Variants in OR51B5 observed in about 807,000 individuals in gnomAD.
OR51B5 encodes olfactory receptor family 51 subfamily B member 5, also known as olfactory receptor 51B5.
For synonymous variants in OR51B5, 186 were observed against 144.8 expected, an observed-to-expected ratio of 1.28 and a Z score of -2.04; for missense variants, 456 against 374.6, an observed-to-expected ratio of 1.22 and a Z score of -1.79.
intron 1 of OR51B5, among the ~76,000 whole-genome samples, chr11:5,497,459 A>G (rs1851666537): frequency 6.6e-6 from 1 of 152,182 alleles, no homozygotes; most frequent in East Asian, 1.9e-4. Flanking sequence ...GACAAAATTG[A>G]GTCCACTATT....
chr11:5,403,174 A>G (rs1319926358), intron 1 of OR51B5: 1 of 470,504 alleles, frequency 2.1e-6, no homozygotes, highest in South Asian at 1.6e-5. Flanking sequence ...TCTTGTGGGA[A>G]CATTTCTGTT....
intron 1 of OR51B5, among the ~76,000 whole-genome samples, chr11:5,429,915 AT>A (rs1251389427): frequency 9.9e-5 from 15 of 152,126 alleles, no homozygotes; most frequent in Non-Finnish European, 2.1e-4. Context: ...TTCATATTTT[AT>A]TTCATGCTTC....
rs1033722688 is a variant in OR51B5 at position 5,476,523 on chromosome 11, G to C, written n.84+29046C>G. Among the ~76,000 whole-genome samples the C allele has an allele frequency of 1.3e-5, 2 of 152,154 alleles. 1 individual carries two copies. Among genetic ancestry groups the C allele is most frequent in the African/African-American group, 4.8e-5 (2 of 41,428 alleles). On this transcript the variant is annotated intron_variant and non_coding_transcript_variant, in intron 1 of 4. Coordinates refer to the OR51B5 transcript ENST00000415970. ...AAAAATAGTCACTGGATGAAAGAAT[G>C]AGCCTCCTTTGTGACTTGGTATCTC...
rs772051071 is a variant in OR51B5, at chr11:5,489,161, T to C, written n.84+16408A>G. ...ATAGGCAGAATTGGCTTTGTTGGGCTATTCCGTAGTGTGGCTATTGTCTCC... is the reference window on the plus strand; with the variant it reads ...ATAGGCAGAATTGGCTTTGTTGGGCCATTCCGTAGTGTGGCTATTGTCTCC... On this transcript the variant is annotated intron_variant and non_coding_transcript_variant, in intron 1 of 4. Transcript: ENST00000415970. 3.1e-6 allele frequency: 5 copies of C among 1,613,772 alleles called. No individual in the cohort carries two copies. The African/African-American group carries it at 4.0e-5, about 13-fold the overall frequency.
intron 1 of OR51B5, among the ~76,000 whole-genome samples, chr11:5,490,026 T>A (rs533463706): frequency 6.6e-6 from 1 of 152,286 alleles, no homozygotes; most frequent in South Asian, 2.1e-4. Flanking sequence ...TTGGAATGAA[T>A]TTGAGTCTGA....
chr11:5,505,519 T>C lies in OR51B5; in HGVS notation n.84+50A>G, dbSNP rs367913880. ...TCCGTTTTCACGCTGCTAATGAAGA[T>C]ATACCCGAGACTGGGCAATTTATAA... On this transcript the variant is annotated intron_variant and non_coding_transcript_variant, in intron 1 of 4. Transcript: ENST00000415970. 2.2e-3 allele frequency: 2,731 copies of C among 1,243,328 alleles called. 65 individuals are homozygous for C. In the South Asian group the frequency reaches 0.035, roughly 16 times the overall value. 77.0% of individuals were successfully genotyped at this position (1,243,328 alleles called of 1,614,324 possible). A position where few individuals can be genotyped will look rare whatever the true frequency, so the allele number is the denominator to read the frequency against.
chr11:5,358,581 C>T (rs1308318128), intron 1 of OR51B5, among the ~76,000 whole-genome samples: 1 of 152,184 alleles, frequency 6.6e-6, no homozygotes, highest in Non-Finnish European at 1.5e-5. Context: ...GGAGCTGGTA[C>T]CATTCCCTCT....
At chr11:5,468,852 G>A in intron 1 of OR51B5, 3 of 428,604 alleles carry the variant, frequency 7.0e-6, no homozygotes, top group South Asian at 1.7e-5. Context: ...TCTCCACAGG[G>A]CAGCCGAATC....
At chr11:5,434,843 C>T (rs778857193) in intron 1 of OR51B5, among the ~76,000 whole-genome samples, 2 of 152,146 alleles carry the variant, frequency 1.3e-5, no homozygotes, top group Admixed American at 6.5e-5. Context: ...GAATCTAGTT[C>T]TTCCAATTAT....
chr11:5,407,378 T>C (rs902032453), intron 1 of OR51B5, among the ~76,000 whole-genome samples: 13 of 152,224 alleles, frequency 8.5e-5, no homozygotes, highest in African/African-American at 3.1e-4. Flanking sequence ...GAGTTTCAGC[T>C]GCCTTAAATA....
chr11:5,469,005 C>G (rs1851182479), intron 1 of OR51B5: 1 of 333,628 alleles, frequency 3.0e-6, no homozygotes, highest in Non-Finnish European at 6.0e-6. Flanking sequence ...ACACGGACAT[C>G]AGTGAGCACT....
At chr11:5,354,208 T>C (rs1323765866) in intron 1 of OR51B5, among the ~76,000 whole-genome samples, 2 of 152,228 alleles carry the variant, frequency 1.3e-5, no homozygotes, top group Non-Finnish European at 2.9e-5. Context: ...ATGGGCAATG[T>C]ATACTTAATC....
At chr11:5,424,059 CAA>C (rs1465491422) in intron 1 of OR51B5, among the ~76,000 whole-genome samples, 1 of 152,102 alleles carries the variant, frequency 6.6e-6, no homozygotes, top group East Asian at 1.9e-4. Flanking sequence ...TTTGTGGAAA[CAA>C]GATAAACTTT....
chr11:5,356,352 G>A (rs1407495397), intron 1 of OR51B5, among the ~76,000 whole-genome samples: 13 of 151,952 alleles, frequency 8.6e-5, no homozygotes, highest in South Asian at 2.1e-4. Context: ...TAGCTGATTC[G>A]ATCAACTGGA....
At chr11:5,404,178 CG>C (rs1442091896) in intron 1 of OR51B5, among the ~76,000 whole-genome samples, 1 of 4,168 alleles carries the variant, frequency 2.4e-4, no homozygotes, top group African/African-American at 7.2e-4. Flanking sequence ...GCGGGGAGGG[CG>C]GGGGGCGGAA....
intron 1 of OR51B5, among the ~76,000 whole-genome samples, chr11:5,421,024 TGAGA>T (rs1238982972): frequency 6.6e-5 from 10 of 152,342 alleles, no homozygotes; most frequent in African/African-American, 2.4e-5. Flanking sequence ...AACTAATTTT[TGAGA>T]GATTGTACAG....
intron 1 of OR51B5, among the ~76,000 whole-genome samples, chr11:5,394,118 CAGT>C (rs909559869): frequency 2.0e-5 from 3 of 152,032 alleles, no homozygotes; most frequent in Non-Finnish European, 4.4e-5. Flanking sequence ...CAGAAAAACT[CAGT>C]AGAAGGTACT....
intron 1 of OR51B5, among the ~76,000 whole-genome samples, chr11:5,450,115 G>A (rs542810100): frequency 3.3e-5 from 5 of 152,296 alleles, no homozygotes; most frequent in South Asian, 2.1e-4. Flanking sequence ...TACACCAGGC[G>A]TGGTGGCTCA....
At chr11:5,419,910 A>T (rs976027533) in intron 1 of OR51B5, among the ~76,000 whole-genome samples, 1 of 151,792 alleles carries the variant, frequency 6.6e-6, no homozygotes, top group African/African-American at 2.4e-5. Context: ...TAATATGATT[A>T]CAATAGAATG....
Sources: gnomAD v4.1 joint callset for allele counts (sites outside exome capture counted in the v4.1 genomes callset) on GRCh38, gnomAD v4.1.1 for gene constraint, MANE v1.5 for transcripts, NCBI Gene and HGNC (gene_info 2026-07-23, HGNC 2026-07-21) for gene names.